The following LSM3 variants were observed in gnomAD, a reference collection of about 807,000 sequenced individuals.
LSM3 encodes LSM3 homolog, U6 small nuclear RNA and mRNA degradation associated.
In LSM3, 14 loss-of-function variants were observed where a neutral mutation model predicts 15.4. The observed-to-expected ratio is 0.91, with a 90% CI of 0.60 to 1.42. LSM3 has a LOEUF of 1.42. Among genes scored for constraint, LSM3 ranks in the 40% most tolerant of loss-of-function variants. LSM3 has a pLI of 0.00. For missense variants in LSM3, 88 were observed against 127.9 expected (o/e 0.69, Z 1.50); for synonymous variants, 46 against 45.1 (o/e 1.02, Z -0.08).
chr3:14,185,149 G>A (rs1057302975), intron 3 of LSM3, among the ~76,000 whole-genome samples: 11 of 151,850 alleles, frequency 7.2e-5, no homozygotes, highest in Non-Finnish European at 1.0e-4. Context: ...TCAGGAGTTC[G>A]AGACCACCCT....
chr3:14,198,059 GCT>G lies in LSM3; in HGVS notation c.255_256del (p.Phe86CysfsTer36). 5 of 1,613,482 alleles carry G rather than the reference GCT, an allele frequency of 3.1e-6. No individual in the cohort carries two copies. Among genetic ancestry groups the G allele is most frequent in the Non-Finnish European group, 4.2e-6 (5 of 1,179,680 alleles). On this transcript the variant is annotated frameshift_variant, in exon 4 of 4. Transcript: ENST00000306024. LOFTEE classifies it high-confidence loss of function. ...AGTCAACGAAACGGAATATTCCAAT[GCT>G]CTTTGTCCGGGGAGATGGCGTTGTC... ...YKSTKRNIPM[L>X]FVRGDGVVLV... is the part of the protein sequence containing the mutation.
intron 3 of LSM3, among the ~76,000 whole-genome samples, chr3:14,191,568 G>A (rs532757466): frequency 5.3e-5 from 8 of 152,256 alleles, no homozygotes; most frequent in Admixed American, 1.3e-4. Flanking sequence ...GTTTATTTGC[G>A]TAGAGATGTT....
chr3:14,183,858 C>T (rs902672717), intron 2 of LSM3, 79 bp from the exon 3 acceptor site: 6 of 1,050,474 alleles, frequency 5.7e-6, no homozygotes, highest in Non-Finnish European at 6.8e-6. Context: ...TGTAATTGAG[C>T]AATTTGCATA....
chr3:14,195,597 G>C (rs1231631595), intron 3 of LSM3, among the ~76,000 whole-genome samples: 1 of 152,208 alleles, frequency 6.6e-6, no homozygotes, highest in Non-Finnish European at 1.5e-5. Context: ...TTTGTAAACT[G>C]CATCTGAACT....
chr3:14,180,103 C>T (rs1390484011), intron 1 of LSM3, among the ~76,000 whole-genome samples: 1 of 152,158 alleles, frequency 6.6e-6, no homozygotes, highest in African/African-American at 2.4e-5. Flanking sequence ...TTACCTTCCT[C>T]CACTGGCCTT....
At chr3:14,190,902 A>G (rs1212447216) in intron 3 of LSM3, among the ~76,000 whole-genome samples, 1 of 152,222 alleles carries the variant, frequency 6.6e-6, no homozygotes, top group East Asian at 1.9e-4. Context: ...TTGCCCATTC[A>G]GTATGATATT....
At chr3:14,179,071 C>T (rs1467421634) in intron 1 of LSM3, among the ~76,000 whole-genome samples, 190 bp downstream of exon 1, 1 of 152,196 alleles carries the variant, frequency 6.6e-6, no homozygotes, top group African/African-American at 2.4e-5. Flanking sequence ...AGAAGCCCAC[C>T]TGATGACTAT....
chr3:14,190,074 T>C (rs898584118), intron 3 of LSM3, among the ~76,000 whole-genome samples: 5 of 152,218 alleles, frequency 3.3e-5, no homozygotes, highest in African/African-American at 4.8e-5. Context: ...CCATTGCTTG[T>C]GTGCATCAGG....
At chr3:14,192,929 C>T (rs1697154256) in intron 3 of LSM3, among the ~76,000 whole-genome samples, 1 of 152,146 alleles carries the variant, frequency 6.6e-6, no homozygotes, top group African/African-American at 2.4e-5. Flanking sequence ...TGTTCCTTTC[C>T]ATGTTTAGTG....
chr3:14,180,855 TTTAAA>T (rs1559390235), intron 1 of LSM3, among the ~76,000 whole-genome samples: 35 of 85,248 alleles, frequency 4.1e-4, no homozygotes, highest in African/African-American at 1.8e-3. Context: ...TTTTTTTTTT[TTTAAA>T]AAAAAAAAAG....
chr3:14,181,508 A>G, intron 1 of LSM3, 52 bp from the exon 2 acceptor site: 1 of 1,155,616 alleles, frequency 8.7e-7, no homozygotes, highest in South Asian at 1.2e-5. Flanking sequence ...GCAGTGATTT[A>G]AGCACTACTC....
At chr3:14,185,068 A>AT (rs1697075591) in intron 3 of LSM3, among the ~76,000 whole-genome samples, 1 of 149,852 alleles carries the variant, frequency 6.7e-6, no homozygotes, top group South Asian at 2.1e-4. Flanking sequence ...AAAAAAAAAA[A>AT]GGCTGGGTGC....
At chr3:14,197,262 A>G (rs1168596798) in intron 3 of LSM3, among the ~76,000 whole-genome samples, 3 of 152,254 alleles carry the variant, frequency 2.0e-5, no homozygotes, top group African/African-American at 7.2e-5. Context: ...CCTGCTAAAT[A>G]CATTAGGCTA....
intron 3 of LSM3, among the ~76,000 whole-genome samples, chr3:14,191,016 A>G (rs1056263330): frequency 6.6e-6 from 1 of 152,170 alleles, no homozygotes; most frequent in Non-Finnish European, 1.5e-5. Flanking sequence ...AATTTTATCG[A>G]AGGCCTTTTC....
At chr3:14,182,598 A>G (rs1697050306) in intron 2 of LSM3, among the ~76,000 whole-genome samples, 1 of 152,158 alleles carries the variant, frequency 6.6e-6, no homozygotes, top group African/African-American at 2.4e-5. Context: ...GCCTCTCCTT[A>G]ATGACTTGTT....
chr3:14,193,305 T>C (rs1022781080), intron 3 of LSM3, among the ~76,000 whole-genome samples: 1 of 152,206 alleles, frequency 6.6e-6, no homozygotes, highest in Admixed American at 6.5e-5. Flanking sequence ...CTGTATTTCC[T>C]GAATTTGAAT....
At chr3:14,181,535 T>C in intron 1 of LSM3, 25 bp from the exon 2 acceptor site, 1 of 1,440,802 alleles carries the variant, frequency 6.9e-7, no homozygotes, top group African/African-American at 1.4e-5. Context: ...TAGTACTACA[T>C]TACTAATCCT....
rs1264162804 is a variant in LSM3, at chr3:14,181,621, G to A, written c.83G>A (p.Arg28Gln). 1 of 1,613,912 alleles carries A rather than the reference G, an allele frequency of 6.2e-7. No individual in the cohort carries two copies. The highest frequency in any genetic ancestry group is 1.3e-5 in the African/African-American group (1 of 74,908). Residue 28 changes from arginine (R) to glutamine (Q), a missense_variant, in exon 2 of 4, where the codon CGA becomes CAA. Physicochemically the swap from Arg to Gln is conservative, Grantham distance 43 (BLOSUM62 1). Coordinates refer to ENST00000306024, the MANE Select transcript of LSM3 (RefSeq NM_014463.3). ...LDLIRLSLDE[R>Q]IYVKMRNDRE... ...CTTATCAGGCTCAGCCTAGATGAGC[G>A]AATTTATGTGAAAATGAGAAATGAC...
chr3:14,188,594 G>A (rs1006466484), intron 3 of LSM3, among the ~76,000 whole-genome samples: 3 of 152,054 alleles, frequency 2.0e-5, no homozygotes, highest in Non-Finnish European at 4.4e-5. Flanking sequence ...TTATGCATAT[G>A]CTAATGAGTG....
Sources: gnomAD v4.1 joint callset for allele counts (sites outside exome capture counted in the v4.1 genomes callset) on GRCh38, gnomAD v4.1.1 for gene constraint, MANE v1.5 for transcripts, NCBI Gene and HGNC (gene_info 2026-07-23, HGNC 2026-07-21) for gene names.